The following IDH1 variants were observed in gnomAD, a reference collection of about 807,000 sequenced individuals.
IDH1 encodes isocitrate dehydrogenase (NADP(+)) 1.
In IDH1, 33 loss-of-function variants were observed where a neutral mutation model predicts 46.1. The ratio of observed to expected loss-of-function variants is 0.72; its 90% confidence interval spans 0.54 to 0.96. IDH1 has a LOEUF of 0.96. Among genes scored for constraint, IDH1 ranks in the 40% least tolerant of loss-of-function variants. The probability of loss-of-function intolerance (pLI) is 0.00; values close to 1 mark genes in which losing one functional copy is unlikely to be tolerated. For missense variants in IDH1, 421 were observed against 515.7 expected (o/e 0.82, Z 1.78); for synonymous variants, 144 against 172.8 (o/e 0.83, Z 1.31).
intron 4 of IDH1, chr2:208,247,402 G>C (rs1024189832): frequency 3.3e-5 from 5 of 152,172 alleles, no homozygotes; most frequent in African/African-American, 1.2e-4. Context: ...AGGAAGGAAT[G>C]CTTTAGTAAG....
At position 208,237,008 on chromosome 2, in the gene IDH1, A is replaced by G; in HGVS notation, c.*71T>C. ...TGATTTTGCCTTTATCCTTGAGTGT[A>G]ACACAGAAAAATGTAAACCTGTAGA... On this transcript the variant is annotated 3_prime_UTR_variant, in exon 10 of 10. Transcript: ENST00000345146. 2 of 839,184 alleles carry G rather than the reference A, an allele frequency of 2.4e-6. No homozygotes were observed. The allele number at this position is 839,184 out of a possible 1,614,324, so 52.0% of individuals were successfully genotyped here. A position where few individuals can be genotyped will look rare whatever the true frequency, so the allele number is the denominator to read the frequency against.
chr2:208,244,621 G>A (rs1446059855), intron 5 of IDH1, among the ~76,000 whole-genome samples: 1 of 152,172 alleles, frequency 6.6e-6, no homozygotes, highest in Non-Finnish European at 1.5e-5. Flanking sequence ...AATGCTCAGG[G>A]TTAACTTGGG....
At chr2:208,248,015 G>A in intron 4 of IDH1, 1 of 275,536 alleles carries the variant, frequency 3.6e-6, no homozygotes, top group Non-Finnish European at 6.9e-6. Context: ...ACTTGTAAGG[G>A]GATCCTATTG....
intron 9 of IDH1, among the ~76,000 whole-genome samples, chr2:208,237,504 C>T (rs190837462): frequency 6.6e-6 from 1 of 152,254 alleles, no homozygotes; most frequent in Admixed American, 6.5e-5. Flanking sequence ...ACACTTCTTC[C>T]TCATTCTTAA....
At chr2:208,237,459 C>T (rs1296600128) in intron 9 of IDH1, among the ~76,000 whole-genome samples, 1 of 152,112 alleles carries the variant, frequency 6.6e-6, no homozygotes, top group African/African-American at 2.4e-5. Flanking sequence ...CATTGAGTTT[C>T]GGTTCAGACT....
intron 5 of IDH1, 40 bp downstream of exon 5, chr2:208,245,279 G>GT (rs771918726): frequency 2.0e-6 from 2 of 989,546 alleles, no homozygotes; most frequent in South Asian, 1.4e-5. Flanking sequence ...TAAATCATTT[G>GT]TTTAAAAAAA....
At chr2:208,245,494 T>C (rs565699710) in intron 4 of IDH1, 70 bp from the exon 5 acceptor site, 2 of 811,874 alleles carry the variant, frequency 2.5e-6, no homozygotes, top group Admixed American at 1.8e-5. Flanking sequence ...AGAATATTCA[T>C]ATAATATAGA....
chr2:208,244,095 G>A (rs1687973521), intron 5 of IDH1, among the ~76,000 whole-genome samples: 2 of 152,186 alleles, frequency 1.3e-5, no homozygotes, highest in Non-Finnish European at 2.9e-5. Context: ...GTGATTACGT[G>A]AGTTCTCGCT....
intron 2 of IDH1, among the ~76,000 whole-genome samples, chr2:208,252,303 C>G (rs1359248589): frequency 6.6e-6 from 1 of 152,226 alleles, no homozygotes; most frequent in Non-Finnish European, 1.5e-5. Flanking sequence ...GCCCAGGACC[C>G]AAGCATGTCC....
rs148542200 is a variant in IDH1 at position 208,248,449 on chromosome 2, T to G, written c.334A>C (p.Ile112Leu). 3.1e-6 allele frequency: 5 copies of G among 1,614,130 alleles called. No homozygotes were observed. The highest frequency in any genetic ancestry group is 2.5e-6 in the Non-Finnish European group (3 of 1,179,962). The stretch of plus-strand genomic sequence containing the variant: ...AGCCGGGGGATATTTTTGCAGATAA[T>G]GGCTTCTCTGAAGACCGTGCCACCC... The part of the protein sequence containing the change: ...ILGGTVFREA[I>L]ICKNIPRLVS... The change falls in exon 4 of 10, where the codon ATT (isoleucine) becomes CTT (leucine). Residue 112 changes from isoleucine to leucine, a missense_variant. Transcript: ENST00000345146.
chr2:208,236,738 T>C lies in IDH1; in HGVS notation c.*341A>G. ...TTATGCATATTTTAGGGAGCAATAC[T>C]GTGGCTATCATTTACCCTTTTGAGC... On this transcript the variant is annotated 3_prime_UTR_variant, in exon 10 of 10. Transcript: ENST00000345146. 5.7e-6 allele frequency: 2 copies of C among 350,730 alleles called. No homozygotes were observed. The highest frequency in any genetic ancestry group is 1.1e-5 in the Non-Finnish European group (2 of 189,794). The allele number at this position is 350,730 out of a possible 1,614,324, so 21.7% of individuals were successfully genotyped here.
intron 7 of IDH1, 50 bp from the exon 8 acceptor site, chr2:208,240,053 T>A: frequency 6.2e-7 from 1 of 1,601,798 alleles, no homozygotes; most frequent in South Asian, 1.1e-5. Context: ...TGAAGAGCAC[T>A]GAGTCTCTCA....
intron 1 of IDH1, among the ~76,000 whole-genome samples, chr2:208,254,732 C>A (rs1239911166): frequency 1.3e-5 from 2 of 152,218 alleles, no homozygotes; most frequent in Non-Finnish European, 2.9e-5. Flanking sequence ...AGACCTTCTG[C>A]ATATCCAAGC....
intron 3 of IDH1, among the ~76,000 whole-genome samples, chr2:208,249,960 T>A (rs1688092298): frequency 6.6e-6 from 1 of 152,178 alleles, no homozygotes; most frequent in African/African-American, 2.4e-5. Context: ...CTTGTCTTCT[T>A]AACATTTCTA....
chr2:208,237,285 C>G, intron 9 of IDH1, 116 bp from the exon 10 acceptor site: 2 of 700,212 alleles, frequency 2.9e-6, no homozygotes, highest in Non-Finnish European at 2.6e-6. Context: ...TGGAAGAAAA[C>G]GCATTCATGT....
intron 9 of IDH1, among the ~76,000 whole-genome samples, chr2:208,237,764 CAAAAAAA>C (rs11433971): frequency 2.8e-4 from 27 of 97,620 alleles, no homozygotes; most frequent in African/African-American, 7.9e-4. Context: ...ACTAAAAATA[CAAAAAAA>C]AAAAAAAAAA....
At position 208,237,084 on chromosome 2, in the gene IDH1, G is replaced by A. The variant is rs1687824386; in HGVS notation, c.1240C>T (p.Leu414Phe). Residue 414 changes from leucine (L) to phenylalanine (F), a missense_variant, in exon 10 of 10, where the codon CTT becomes TTT. Transcript: ENST00000345146. ...NLKIKLAQAKL is the reference protein window; with the variant it reads ...NLKIKLAQAKF ...TTCTTAGCTCAGGTATGAACTTAAAGTTTGGCCTGAGCTAGTTTGATCTTC... is the reference window on the plus strand; with the variant it reads ...TTCTTAGCTCAGGTATGAACTTAAAATTTGGCCTGAGCTAGTTTGATCTTC... The A allele has an allele frequency of 1.3e-6, 2 of 1,566,584 alleles. No homozygotes were observed. Among genetic ancestry groups the A allele is most frequent in the East Asian group, 4.5e-5 (2 of 44,616 alleles).
rs575807296 is a variant in IDH1, at chr2:208,236,479, G to A, written c.*600C>T. Reference sequence around the variant, plus strand: ...CAAACCTCCAGGTAGTATTTATTCCGGATTCCAAACTCTCCTGCGGCCTAA... The same window carrying A: ...CAAACCTCCAGGTAGTATTTATTCCAGATTCCAAACTCTCCTGCGGCCTAA... On this transcript the variant is annotated 3_prime_UTR_variant, in exon 10 of 10. Coordinates refer to ENST00000345146, the MANE Select transcript of IDH1 (RefSeq NM_005896.4). The A allele has an allele frequency of 3.9e-5, 9 of 232,522 alleles. No homozygotes were observed. Among genetic ancestry groups the A allele is most frequent in the South Asian group, 1.8e-4 (1 of 5,542 alleles). 14.4% of individuals were successfully genotyped at this position (232,522 alleles called of 1,614,324 possible).
At position 208,254,925 on chromosome 2, in the gene IDH1, G is replaced by A. The variant is rs1688186823; in HGVS notation, c.-91+14C>T. ...AGCCAGGGACCGGGGCCGCCCCTTG[G>A]AGCCTGAGGTTACCTGCCGGGATGA... On this transcript the variant is annotated intron_variant, in intron 1 of 9. Coordinates refer to ENST00000345146, the MANE Select transcript of IDH1 (RefSeq NM_005896.4). 1 of 152,326 alleles carries A rather than the reference G, an allele frequency of 6.6e-6. No individual in the cohort carries two copies. Among genetic ancestry groups the A allele is most frequent in the South Asian group, 2.1e-4 (1 of 4,826 alleles). The allele number at this position is 152,326 out of a possible 1,614,324, so 9.4% of individuals were successfully genotyped here.
Sources: allele counts gnomAD v4.1 joint callset (sites outside exome capture counted in the v4.1 genomes callset), GRCh38; gene constraint gnomAD v4.1.1; transcripts MANE v1.5; gene names NCBI Gene and HGNC (gene_info 2026-07-23, HGNC 2026-07-21).